MSH4: variants seen among roughly 807,000 people sequenced by gnomAD.
MSH4 encodes mutS protein homolog 4.
A neutral mutation model predicts 113.7 loss-of-function variants in MSH4; 106 were observed. That is an observed-to-expected ratio of 0.93 (90% CI 0.80 to 1.10). The LOEUF (loss-of-function observed/expected upper bound fraction) is 1.10, where lower values mean the gene tolerates loss of function less well. Ranked by LOEUF, MSH4 falls within the 50% of genes least tolerant of loss-of-function variation. MSH4 has a pLI of 0.00. For synonymous variants in MSH4, 368 were observed against 380.2 expected, an observed-to-expected ratio of 0.97 and a Z score of 0.37; for missense variants, 1,061 against 1,093.7, an observed-to-expected ratio of 0.97 and a Z score of 0.42.
chr1:75,892,220 T>C (rs1334410826), intron 17 of MSH4, among the ~76,000 whole-genome samples: 1 of 152,184 alleles, frequency 6.6e-6, no homozygotes, highest in Non-Finnish European at 1.5e-5. Flanking sequence ...CATTGGCTTT[T>C]TCTGGGTCTG....
chr1:75,905,721 G>A (rs916507956), intron 19 of MSH4, among the ~76,000 whole-genome samples: 1 of 151,988 alleles, frequency 6.6e-6, no homozygotes, highest in Non-Finnish European at 1.5e-5. Context: ...TTACATATTT[G>A]GATGGTCCAC....
intron 6 of MSH4, among the ~76,000 whole-genome samples, 194 bp from the exon 7 acceptor site, chr1:75,822,215 G>A (rs1650432817): frequency 6.6e-6 from 1 of 151,348 alleles, no homozygotes; most frequent in African/African-American, 2.4e-5. Context: ...CGTGAACCTT[G>A]GAGGCGGAGC....
intron 19 of MSH4, 123 bp downstream of exon 19, chr1:75,899,829 A>G (rs1393366663): frequency 9.9e-6 from 3 of 304,210 alleles, no homozygotes; most frequent in South Asian, 2.6e-4. Context: ...TTTAAAATTA[A>G]AACCTAATTT....
rs768507662 is a variant in MSH4, at chr1:75,867,532, A to C, written c.1249A>C (p.Lys417Gln). ...KQDTVNAAES[K>Q]ITNLIYLKHT... Reference sequence around the variant, plus strand: ...TTAACAGGTCAATGCTGCTGAATCAAAGATAACAAATTTAATATACTTAAA... The same window carrying C: ...TTAACAGGTCAATGCTGCTGAATCACAGATAACAAATTTAATATACTTAAA... The change falls in exon 9 of 20, where the codon AAG becomes CAG. Residue 417 changes from lysine to glutamine, a missense_variant. Physicochemically the swap from Lys to Gln is moderately conservative, Grantham distance 53. Transcript: ENST00000263187. 3 of 1,595,134 alleles carry C rather than the reference A, an allele frequency of 1.9e-6. No individual in the cohort carries two copies. Among genetic ancestry groups the C allele is most frequent in the South Asian group, 2.3e-5 (2 of 88,114 alleles).
At chr1:75,812,139 C>T (rs906644515) in intron 4 of MSH4, among the ~76,000 whole-genome samples, 1 of 151,962 alleles carries the variant, frequency 6.6e-6, no homozygotes, top group Non-Finnish European at 1.5e-5. Flanking sequence ...ATGTAAACTA[C>T]CTTATGCAAA....
chr1:75,881,644 C>G (rs559735337), intron 14 of MSH4, among the ~76,000 whole-genome samples: 71 of 151,982 alleles, frequency 4.7e-4, no homozygotes, highest in Middle Eastern at 3.4e-3. Context: ...AGAGCTGTCT[C>G]CTTGGTAAAA....
chr1:75,811,352 A>G (rs766428469), intron 4 of MSH4, among the ~76,000 whole-genome samples: 3 of 152,200 alleles, frequency 2.0e-5, no homozygotes, highest in Admixed American at 1.3e-4. Flanking sequence ...ACCCTGATCT[A>G]CTTTAAACAA....
chr1:75,838,294 CT>C (rs1650875593), intron 7 of MSH4, among the ~76,000 whole-genome samples: 1 of 152,164 alleles, frequency 6.6e-6, no homozygotes, highest in Non-Finnish European at 1.5e-5. Flanking sequence ...TTCCCTTCCT[CT>C]GACTTCTGCT....
chr1:75,875,848 G>T (rs1009843984), intron 9 of MSH4, among the ~76,000 whole-genome samples: 1 of 151,850 alleles, frequency 6.6e-6, no homozygotes, highest in Non-Finnish European at 1.5e-5. Context: ...GTTAAAAAAT[G>T]ATTGCTTATT....
At chr1:75,867,848 C>A (rs1289426807) in intron 9 of MSH4, among the ~76,000 whole-genome samples, 1 of 151,870 alleles carries the variant, frequency 6.6e-6, no homozygotes, top group African/African-American at 2.4e-5. Context: ...AAAAGATGTT[C>A]TCTTATATAA....
chr1:75,882,193 G>A (rs1271085668), intron 14 of MSH4, among the ~76,000 whole-genome samples: 2 of 151,796 alleles, frequency 1.3e-5, no homozygotes, highest in Non-Finnish European at 2.9e-5. Flanking sequence ...CTACTTTAGG[G>A]GTCAGATATT....
chr1:75,879,945 A>G, intron 12 of MSH4, 105 bp from the exon 13 acceptor site: 1 of 634,386 alleles, frequency 1.6e-6, no homozygotes, highest in African/African-American at 1.9e-5. Flanking sequence ...CATATCTCAA[A>G]GAGTAAAATG....
Position 75,803,338 on chromosome 1 carries a change from G to A in MSH4, c.245-393G>A, listed in dbSNP as rs5745321. ...AATTTTATAGAAAGTGAACATAGTG[G>A]TTGGGTGCGGTGACTCAGGCCTCTA... On this transcript the variant is annotated intron_variant, in intron 1 of 19. Transcript: ENST00000263187. Among the ~76,000 whole-genome samples the A allele has an allele frequency of 2.3e-3, 355 of 152,200 alleles. 4 individuals carry two copies. Among genetic ancestry groups the A allele is most frequent in the African/African-American group, 8.2e-3 (342 of 41,522 alleles).
intron 7 of MSH4, among the ~76,000 whole-genome samples, chr1:75,825,954 GGAATC>G (rs1557497952): frequency 6.6e-6 from 1 of 152,106 alleles, no homozygotes; most frequent in Non-Finnish European, 1.5e-5. Context: ...ACCAGGTTTT[GGAATC>G]AGGATGATAC....
chr1:75,843,869 TG>T (rs1651021401), intron 7 of MSH4, among the ~76,000 whole-genome samples: 1 of 152,030 alleles, frequency 6.6e-6, no homozygotes, highest in African/African-American at 2.4e-5. Flanking sequence ...TGGAATGCAA[TG>T]GAGTGATCTC....
intron 8 of MSH4, among the ~76,000 whole-genome samples, chr1:75,858,598 G>A (rs998752665): frequency 3.9e-5 from 6 of 152,264 alleles, no homozygotes; most frequent in South Asian, 2.1e-4. Context: ...AACCAGACTC[G>A]CATCCCAGGG....
At chr1:75,893,048 A>C (rs926490343) in intron 17 of MSH4, among the ~76,000 whole-genome samples, 19 of 152,198 alleles carry the variant, frequency 1.2e-4, no homozygotes, top group African/African-American at 4.6e-4. Flanking sequence ...ATTCTGTGAC[A>C]GTGGCTGTAG....
At chr1:75,853,178 C>T (rs187395157) in intron 8 of MSH4, among the ~76,000 whole-genome samples, 2 of 152,192 alleles carry the variant, frequency 1.3e-5, no homozygotes, top group East Asian at 3.9e-4. Flanking sequence ...GATTCTCCTA[C>T]TTCAGCCTCC....
chr1:75,907,684 C>CTCTCTCTCTCTATATATATATATATA (rs1307238647), intron 19 of MSH4, among the ~76,000 whole-genome samples: 4 of 46,572 alleles, frequency 8.6e-5, no homozygotes, highest in South Asian at 7.5e-4. Flanking sequence ...CTCTCTCTCT[C>CTCTCTCTCTCTATATATATATATATA]TATACATATA....
Sources: allele counts gnomAD v4.1 joint callset (sites outside exome capture counted in the v4.1 genomes callset), GRCh38; gene constraint gnomAD v4.1.1; transcripts MANE v1.5; gene names NCBI Gene and HGNC (gene_info 2026-07-23, HGNC 2026-07-21).